CFAP91: variants seen among roughly 807,000 people sequenced by gnomAD.
The protein encoded by CFAP91 is cilia and flagella associated protein 91, also known as cilia- and flagella-associated protein 91.
In CFAP91, 85 loss-of-function variants were observed where a neutral mutation model predicts 95.9. The ratio of observed to expected loss-of-function variants is 0.89; its 90% CI spans 0.74 to 1.06. The LOEUF (loss-of-function observed/expected upper bound fraction) is 1.06. Ranked by LOEUF, CFAP91 falls within the 50% of genes least tolerant of loss-of-function variation. The pLI, the probability that CFAP91 is intolerant of heterozygous loss-of-function variation, is 0.00. For synonymous variants in CFAP91, 335 were observed against 327.5 expected, an observed-to-expected ratio of 1.02 and a Z score of -0.25; for missense variants, 962 against 943.4, an observed-to-expected ratio of 1.02 and a Z score of -0.26.
At chr3:119,741,086 A>C (rs2054112963) in intron 13 of CFAP91, among the ~76,000 whole-genome samples, 1 of 152,318 alleles carries the variant, frequency 6.6e-6, no homozygotes, top group Admixed American at 6.5e-5. Flanking sequence ...TCCTGACCTC[A>C]GGTGATCCGC....
At chr3:119,706,539 G>T (rs1294249441) in intron 1 of CFAP91, 3 of 403,020 alleles carry the variant, frequency 7.4e-6, no homozygotes, top group Non-Finnish European at 1.4e-5. Context: ...TGTAGTACTT[G>T]AAAACATGCT....
At position 119,729,559 on chromosome 3, in the gene CFAP91, G is replaced by A. The variant is rs530708027; in HGVS notation, c.861-661G>A. 5.7e-4 allele frequency among the ~76,000 whole-genome samples: 86 copies of A among 151,908 alleles called. 1 individual carries two copies. In the South Asian group the frequency reaches 0.014, roughly 24 times the overall value. ...CTCGGGAGGCTGACCCATGAAAACTGCTTGAACCCGGGAGGCAGAGGCTGC... is the reference window on the plus strand; with the variant it reads ...CTCGGGAGGCTGACCCATGAAAACTACTTGAACCCGGGAGGCAGAGGCTGC... On this transcript the variant is annotated intron_variant, in intron 7 of 17. Transcript: ENST00000273390.
At chr3:119,714,649 A>G (rs1254101661) in intron 5 of CFAP91, among the ~76,000 whole-genome samples, 1 of 151,982 alleles carries the variant, frequency 6.6e-6, no homozygotes, top group Non-Finnish European at 1.5e-5. Flanking sequence ...ATTCTCCTTT[A>G]CTCATTTTTC....
intron 10 of CFAP91, among the ~76,000 whole-genome samples, chr3:119,734,459 G>T (rs1388364307): frequency 3.2e-5 from 1 of 31,470 alleles, no homozygotes; most frequent in East Asian, 1.1e-3. Flanking sequence ...TTTTTATTAG[G>T]TTACGGAAGT....
chr3:119,714,137 C>T (rs531352264), intron 5 of CFAP91, among the ~76,000 whole-genome samples: 4 of 151,600 alleles, frequency 2.6e-5, no homozygotes, highest in South Asian at 2.1e-4. Flanking sequence ...CAGAGACGGG[C>T]GGATCACGAG....
chr3:119,739,149 G>A, intron 11 of CFAP91, 106 bp from the exon 12 acceptor site: 1 of 829,262 alleles, frequency 1.2e-6, no homozygotes, highest in East Asian at 2.5e-5. Flanking sequence ...AAATCTTTTT[G>A]GCATCTAGCA....
intron 3 of CFAP91, 106 bp from the exon 4 acceptor site, chr3:119,708,485 A>G (rs1261037207): frequency 8.3e-6 from 6 of 723,320 alleles, no homozygotes; most frequent in Non-Finnish European, 1.4e-5. Context: ...TACTCTCAGT[A>G]TGAGATACTC....
Position 119,706,899 on chromosome 3 carries a change from A to G in CFAP91, c.201+14A>G. 1 of 1,604,278 alleles carries G rather than the reference A, an allele frequency of 6.2e-7. No homozygotes were observed. Among genetic ancestry groups the G allele is most frequent in the Non-Finnish European group, 8.5e-7 (1 of 1,172,510 alleles). On this transcript the variant is annotated intron_variant, in intron 2 of 17. Transcript: ENST00000273390. ...CGCAGCAGACTGGTATGTCTAATTC[A>G]TCAGCCAAGGCTACCTGATGAACCT...
chr3:119,715,590 T>A lies in CFAP91; in HGVS notation c.529T>A (p.Ser177Thr), dbSNP rs1164470543. 1 of 1,614,134 alleles carries A rather than the reference T, an allele frequency of 6.2e-7. No individual in the cohort carries two copies. Among genetic ancestry groups the A allele is most frequent in the Admixed American group, 1.7e-5 (1 of 60,024 alleles). Residue 177 changes from serine to threonine, a missense_variant, in exon 6 of 18, where the codon TCT (serine) becomes ACT (threonine). Ser to Thr is a moderately conservative substitution (Grantham distance 58). Transcript: ENST00000273390. ...KAEPYTFPPT[S>T]TKHLSIPSKS... ...AGAACCATACACTTTTCCTCCTACT[T>A]CTACTAAGCACCTATCCATCCCTTC... is the stretch of plus-strand genomic sequence containing the variant.
chr3:119,726,392 A>T, intron 7 of CFAP91, 44 bp downstream of exon 7: 1 of 1,525,938 alleles, frequency 6.6e-7, no homozygotes, highest in Non-Finnish European at 8.9e-7. Context: ...CACTGGTGGG[A>T]ATAATGTTAA....
chr3:119,759,403 G>A (rs1402981030), intron 17 of CFAP91, among the ~76,000 whole-genome samples: 1 of 151,886 alleles, frequency 6.6e-6, no homozygotes, highest in Non-Finnish European at 1.5e-5. Context: ...GGGTAAATGG[G>A]AGCTTATGGA....
chr3:119,728,962 T>G (rs1200771531), intron 7 of CFAP91, among the ~76,000 whole-genome samples: 1 of 152,246 alleles, frequency 6.6e-6, no homozygotes, highest in African/African-American at 2.4e-5. Context: ...GAAGGTGTTT[T>G]ATCTTGTACA....
intron 9 of CFAP91, 118 bp from the exon 10 acceptor site, chr3:119,733,246 C>T: frequency 3.2e-6 from 3 of 946,604 alleles, no homozygotes; most frequent in Non-Finnish European, 4.7e-6. Context: ...ATATGAGATA[C>T]ACCCTCTCAA....
chr3:119,742,890 A>G (rs192073752), intron 13 of CFAP91, among the ~76,000 whole-genome samples: 2 of 152,264 alleles, frequency 1.3e-5, no homozygotes, highest in Admixed American at 1.3e-4. Context: ...CTGAGCATAG[A>G]GGGAGAACTG....
intron 11 of CFAP91, among the ~76,000 whole-genome samples, chr3:119,738,903 G>GA (rs1013901807): frequency 1.3e-5 from 2 of 152,120 alleles, no homozygotes; most frequent in African/African-American, 2.4e-5. Flanking sequence ...GATCAAACAT[G>GA]AAAAATCCTA....
chr3:119,745,531 C>T (rs2054204041), intron 14 of CFAP91, among the ~76,000 whole-genome samples: 3 of 152,194 alleles, frequency 2.0e-5, no homozygotes, highest in Admixed American at 6.5e-5. Flanking sequence ...CAGAAATTTA[C>T]ACATTTATAA....
rs2054033677 is a variant in CFAP91 at position 119,737,494 on chromosome 3, A to G, written c.1461+12A>G. 1 of 1,467,942 alleles carries G rather than the reference A, an allele frequency of 6.8e-7. No homozygotes were observed. The highest frequency in any genetic ancestry group is 9.4e-7 in the Non-Finnish European group (1 of 1,058,688). The allele number at this position is 1,467,942 out of a possible 1,614,324, so 90.9% of individuals were successfully genotyped here. On this transcript the variant is annotated intron_variant, in intron 11 of 17. Transcript: ENST00000273390. The stretch of plus-strand genomic sequence containing the variant: ...AAATGACGTCCAATGTAAGTTGGAA[A>G]CTTTTTAGTTGAAATGCTAAATTCA...
At chr3:119,747,522 G>T in intron 15 of CFAP91, 1 of 562,786 alleles carries the variant, frequency 1.8e-6, no homozygotes, top group African/African-American at 1.9e-5. Flanking sequence ...ATGTGAATAC[G>T]TGTGTGCAAC....
chr3:119,726,716 A>G (rs2053791200), intron 7 of CFAP91, among the ~76,000 whole-genome samples: 2 of 152,024 alleles, frequency 1.3e-5, no homozygotes, highest in Admixed American at 6.6e-5. Flanking sequence ...AGCACCTTTC[A>G]AACTGTCCCT....
Sources: allele counts gnomAD v4.1 joint callset (sites outside exome capture counted in the v4.1 genomes callset), GRCh38; gene constraint gnomAD v4.1.1; transcripts MANE v1.5; gene names NCBI Gene and HGNC (gene_info 2026-07-23, HGNC 2026-07-21).